GRM1: variants seen among roughly 807,000 people sequenced by gnomAD.
GRM1 encodes the protein metabotropic glutamate receptor 1.
In GRM1, 33 loss-of-function variants were observed where a neutral mutation model predicts 90.9. That is an observed-to-expected ratio of 0.36 (90% CI 0.28 to 0.49). The LOEUF (loss-of-function observed/expected upper bound fraction) is 0.49. Among genes scored for constraint, GRM1 ranks in the 20% least tolerant of loss-of-function variants. The pLI is 0.99. For synonymous variants in GRM1, 700 were observed against 613.2 expected, an observed-to-expected ratio of 1.14 and a Z score of -2.09; for missense variants, 1,190 against 1,534.3, an observed-to-expected ratio of 0.78 and a Z score of 3.75.
rs561711046 is a variant in GRM1, at chr6:146,114,636, T to C, written c.701-44712T>C. 5.9e-5 allele frequency among the ~76,000 whole-genome samples: 9 copies of C among 152,282 alleles called. No homozygotes were observed. In the South Asian group the frequency reaches 1.9e-3, roughly 32 times the overall value. ...GGTAAAACTGTTTATTGTACAATAGTAAGTAAAAGCAGGCTGATTTTCAAA... is the reference window on the plus strand; with the variant it reads ...GGTAAAACTGTTTATTGTACAATAGCAAGTAAAAGCAGGCTGATTTTCAAA... On this transcript the variant is annotated intron_variant, in intron 1 of 7. Transcript: ENST00000282753.
chr6:146,338,582 T>A (rs1312443648), intron 3 of GRM1, among the ~76,000 whole-genome samples: 1 of 152,202 alleles, frequency 6.6e-6, no homozygotes, highest in African/African-American at 2.4e-5. Context: ...AGATAAGGCC[T>A]TCAAAGAAAT....
intron 2 of GRM1, among the ~76,000 whole-genome samples, chr6:146,201,490 T>G (rs1463844528): frequency 6.6e-6 from 1 of 152,188 alleles, no homozygotes; most frequent in Admixed American, 6.5e-5. Flanking sequence ...CTTCTGGGAT[T>G]GCAGAGGGCC....
Position 146,286,908 on chromosome 6 carries a change from A to G in GRM1, c.951-17703A>G, listed in dbSNP as rs534184593. Among the ~76,000 whole-genome samples the G allele has an allele frequency of 4.6e-5, 7 of 152,364 alleles. No individual in the cohort carries two copies. The South Asian group carries it at 1.2e-3, about 27-fold the overall frequency. ...GTGAAAATAATGTTAAATGGCAGGC[A>G]TATTATCCCTCTAGGGGAAAATATA... On this transcript the variant is annotated intron_variant, in intron 2 of 7. Coordinates refer to ENST00000282753, the MANE Select transcript of GRM1 (RefSeq NM_001278064.2).
At chr6:146,227,744 TG>T (rs1197356961) in intron 2 of GRM1, among the ~76,000 whole-genome samples, 5 of 152,120 alleles carry the variant, frequency 3.3e-5, no homozygotes, top group Admixed American at 1.3e-4. Context: ...CTTTACAGAA[TG>T]GGGAAATCTT....
intron 4 of GRM1, among the ~76,000 whole-genome samples, chr6:146,356,145 G>T (rs3819832): frequency 6.6e-6 from 1 of 152,000 alleles, no homozygotes. Context: ...TCCAGTATTC[G>T]TATAGTAATG....
At chr6:146,234,096 G>A (rs1379541821) in intron 2 of GRM1, among the ~76,000 whole-genome samples, 1 of 151,858 alleles carries the variant, frequency 6.6e-6, no homozygotes, top group Non-Finnish European at 1.5e-5. Context: ...GTTCATTTAT[G>A]TTATAGTTGT....
intron 5 of GRM1, chr6:146,364,848 C>T (rs1031870936): frequency 6.6e-6 from 1 of 151,136 alleles, no homozygotes; most frequent in African/African-American, 2.4e-5. Flanking sequence ...CCTCAGCTTA[C>T]ATCTTCTAAT....
intron 5 of GRM1, among the ~76,000 whole-genome samples, chr6:146,384,976 A>G (rs913310362): frequency 1.3e-5 from 2 of 152,042 alleles, no homozygotes; most frequent in African/African-American, 2.4e-5. Flanking sequence ...TTAAAAGCTA[A>G]AAGAAATGAG....
intron 5 of GRM1, among the ~76,000 whole-genome samples, chr6:146,377,924 A>C (rs1776169901): frequency 6.6e-6 from 1 of 152,134 alleles, no homozygotes; most frequent in South Asian, 2.1e-4. Flanking sequence ...GGAAGTTGGA[A>C]GTGTGTGTGC....
At chr6:146,305,124 A>G (rs1295717453) in intron 3 of GRM1, among the ~76,000 whole-genome samples, 1 of 151,368 alleles carries the variant, frequency 6.6e-6, no homozygotes, top group Non-Finnish European at 1.5e-5. Context: ...AGTATTTAAG[A>G]CAGAAGGAAG....
chr6:146,169,322 G>T (rs191191066), intron 2 of GRM1, among the ~76,000 whole-genome samples: 8 of 151,934 alleles, frequency 5.3e-5, no homozygotes, highest in East Asian at 1.9e-4. Context: ...CATTCTTCTG[G>T]GATATATAAA....
In GRM1 at chr6:146,399,359, ACCCGCAACGTGCCCG is replaced by A; in HGVS notation, c.2323_2337del (p.Arg775_Ala779del). ...GAGCTGTACCTACTATGCCTTCAAG[ACCCGCAACGTGCCCG>A]CCAACTTCAACGAGGCCAAATATAT... On this transcript the variant is annotated inframe_deletion, in exon 7 of 8. Coordinates refer to ENST00000282753, the MANE Select transcript of GRM1 (RefSeq NM_001278064.2). The surrounding 1 kb of genome is among the most constrained non-coding windows in gnomAD (Gnocchi z 5.4). 1 of 1,614,074 alleles carries A rather than the reference ACCCGCAACGTGCCCG, an allele frequency of 6.2e-7. No individual in the cohort carries two copies. Among genetic ancestry groups the A allele is most frequent in the Non-Finnish European group, 8.5e-7 (1 of 1,180,026 alleles).
chr6:146,312,045 T>A (rs1172009324), intron 3 of GRM1, among the ~76,000 whole-genome samples: 4 of 151,948 alleles, frequency 2.6e-5, no homozygotes, highest in Admixed American at 2.0e-4. Context: ...TTACAGTAAC[T>A]GTTAAGAATA....
chr6:146,046,727 A>C (rs1791345237), intron 1 of GRM1, among the ~76,000 whole-genome samples: 2 of 152,026 alleles, frequency 1.3e-5, no homozygotes, highest in Non-Finnish European at 2.9e-5. Context: ...TATGTAAAAA[A>C]TTATCCAGAT....
At chr6:146,086,470 G>A (rs577489264) in intron 1 of GRM1, among the ~76,000 whole-genome samples, 2 of 152,224 alleles carry the variant, frequency 1.3e-5, no homozygotes, top group South Asian at 4.1e-4. Flanking sequence ...TGCTAATCAG[G>A]TAAGTCACTC....
chr6:146,291,119 CCTT>C (rs1450555890), intron 2 of GRM1, among the ~76,000 whole-genome samples: 1 of 152,008 alleles, frequency 6.6e-6, no homozygotes, highest in African/African-American at 2.4e-5. Context: ...TTAAATTATT[CCTT>C]CTCTGATGTT....
chr6:146,388,421 C>A (rs1464260541), intron 6 of GRM1, among the ~76,000 whole-genome samples: 1 of 151,892 alleles, frequency 6.6e-6, no homozygotes, highest in African/African-American at 2.4e-5. Context: ...ACTAAGAAAT[C>A]ATGCAGTTTA....
chr6:146,403,525 G>GT (rs564072332), intron 7 of GRM1, among the ~76,000 whole-genome samples: 41 of 151,426 alleles, frequency 2.7e-4, no homozygotes, highest in South Asian at 8.3e-4. Context: ...GAGTATTTGA[G>GT]TTTTTTTTTA....
chr6:146,289,855 G>A (rs1461023323), intron 2 of GRM1, among the ~76,000 whole-genome samples: 1 of 152,170 alleles, frequency 6.6e-6, no homozygotes, highest in Non-Finnish European at 1.5e-5. Flanking sequence ...GTAGTAAACT[G>A]TACCATCTAG....
Sources: allele counts gnomAD v4.1 joint callset (sites outside exome capture counted in the v4.1 genomes callset), GRCh38; gene constraint gnomAD v4.1.1; non-coding constraint Gnocchi (gnomAD v3.1); transcripts MANE v1.5; gene names NCBI Gene and HGNC (gene_info 2026-07-23, HGNC 2026-07-21).